STX3: variants seen among roughly 807,000 people sequenced by gnomAD.
STX3 encodes syntaxin 3, also known as syntaxin-3.
In STX3, 19 loss-of-function variants were observed where a neutral mutation model predicts 40.2. The observed-to-expected ratio is 0.47, with a 90% CI of 0.33 to 0.69. The LOEUF is 0.69. Ranked by LOEUF, STX3 falls within the 30% of genes least tolerant of loss-of-function variation. The pLI is 0.02. For missense variants in STX3, 364 were observed against 366.7 expected (o/e 0.99, Z 0.06); for synonymous variants, 122 against 132.2 (o/e 0.92, Z 0.53).
Position 59,788,923 on chromosome 11 carries a change from A to C in STX3, c.265A>C (p.Asn89His). Reference sequence around the variant, plus strand: ...CACGACTGAGATTAAGAAAAGGGCCAACAACGTCCGGAACAAACTGAAGAG... The same window carrying C: ...CACGACTGAGATTAAGAAAAGGGCCCACAACGTCCGGAACAAACTGAAGAG... ...QLTTEIKKRA[N>H]NVRNKLKSME... Residue 89 changes from asparagine (N) to histidine (H), a missense_variant, in exon 4 of 11, where the codon AAC (asparagine) becomes CAC (histidine). By Grantham distance (68) the Asn-to-His change is moderately conservative (BLOSUM62 1). Coordinates refer to ENST00000337979, the MANE Select transcript of STX3 (RefSeq NM_004177.5). 6.2e-7 allele frequency: 1 copy of C among 1,611,484 alleles called. No homozygotes were observed. Among genetic ancestry groups the C allele is most frequent in the Non-Finnish European group, 8.5e-7 (1 of 1,178,786 alleles).
At chr11:59,792,340 T>C in intron 6 of STX3, 125 bp downstream of exon 6, 1 of 712,826 alleles carries the variant, frequency 1.4e-6, no homozygotes, top group Non-Finnish European at 2.4e-6. Flanking sequence ...GGGCAGCTCC[T>C]GCACCACTGG....
intron 2 of STX3, among the ~76,000 whole-genome samples, chr11:59,783,304 T>A (rs550911739): frequency 6.6e-6 from 1 of 152,318 alleles, no homozygotes; most frequent in East Asian, 1.9e-4. Flanking sequence ...GAGCCTTCCT[T>A]AGGCGTTTAC....
At chr11:59,794,729 A>G (rs1034536494) in intron 8 of STX3, among the ~76,000 whole-genome samples, 3 of 152,356 alleles carry the variant, frequency 2.0e-5, no homozygotes, top group African/African-American at 4.8e-5. Flanking sequence ...CCTGTCAGGA[A>G]GTGATTGCTA....
chr11:59,788,964 G>T lies in STX3; in HGVS notation c.289+17G>T, dbSNP rs201404384. On this transcript the variant is annotated intron_variant, in intron 4 of 10. Coordinates refer to ENST00000337979, the MANE Select transcript of STX3 (RefSeq NM_004177.5). ...AACTGAAGAGTAAGAAGGGAACAAA[G>T]AAAACAAGGCCGTCCCCACCACCAT... The T allele has an allele frequency of 9.7e-5, 155 of 1,600,904 alleles. No homozygotes were observed. Among genetic ancestry groups the T allele is most frequent in the Middle Eastern group, 1.6e-4 (1 of 6,072 alleles).
intron 10 of STX3, chr11:59,800,186 A>G (rs1479429569): frequency 1.0e-6 from 1 of 985,312 alleles, no homozygotes; most frequent in African/African-American, 1.7e-5. Context: ...TTCCCTAACA[A>G]AGTCAAGACT....
chr11:59,787,363 TC>T (rs1307960062), intron 3 of STX3, among the ~76,000 whole-genome samples: 2 of 152,172 alleles, frequency 1.3e-5, no homozygotes, highest in Non-Finnish European at 2.9e-5. Context: ...AGCTAGACTT[TC>T]CTGTTTCCCA....
chr11:59,786,336 T>A (rs754364935), intron 2 of STX3, among the ~76,000 whole-genome samples: 11 of 150,152 alleles, frequency 7.3e-5, no homozygotes, highest in Non-Finnish European at 1.6e-4. Flanking sequence ...ACCTCCCGGG[T>A]TCACGCCATT....
At chr11:59,774,215 G>A (rs1395005408) in intron 2 of STX3, among the ~76,000 whole-genome samples, 2 of 151,984 alleles carry the variant, frequency 1.3e-5, no homozygotes, top group Non-Finnish European at 1.5e-5. Flanking sequence ...ACTGGCTTTC[G>A]AGCTGGGTAA....
intron 9 of STX3, 48 bp downstream of exon 9, chr11:59,795,530 T>C: frequency 6.4e-7 from 1 of 1,570,510 alleles, no homozygotes; most frequent in Non-Finnish European, 8.6e-7. Context: ...TTTTGTTTGC[T>C]GTGTCTCGCT....
In STX3 at chr11:59,801,987, T is replaced by G. The variant is rs510980; in HGVS notation, c.*1163T>G. ...ATGAGAACTCTGGAGTGAGCTAAAT[T>G]GATCCCAATTAAGTTTTTCTGCTTA... On this transcript the variant is annotated 3_prime_UTR_variant, in exon 11 of 11. Transcript: ENST00000337979. 1.0e-6 allele frequency: 1 copy of G among 985,442 alleles called. No homozygotes were observed. 61.0% of individuals were successfully genotyped at this position (985,442 alleles called of 1,614,324 possible). A position where few individuals can be genotyped will look rare whatever the true frequency, so the allele number is the denominator to read the frequency against.
intron 1 of STX3, 104 bp from the exon 2 acceptor site, chr11:59,773,107 A>G (rs1363135167): frequency 1.8e-6 from 2 of 1,091,442 alleles, no homozygotes; most frequent in Non-Finnish European, 2.8e-6. Flanking sequence ...AAAGGAAATT[A>G]TGTGTAAAAT....
chr11:59,800,470 A>T (rs1487896473), intron 10 of STX3: 12 of 985,254 alleles, frequency 1.2e-5, no homozygotes, highest in Non-Finnish European at 1.3e-5. Context: ...TTCTAAAAGA[A>T]AGGCAGCAGG....
At position 59,804,313 on chromosome 11, in the gene STX3, A is replaced by G. The variant is rs1866000777; in HGVS notation, c.*3489A>G. 6.6e-6 allele frequency: 1 copy of G among 152,234 alleles called. No homozygotes were observed. The highest frequency in any genetic ancestry group is 1.9e-4 in the East Asian group (1 of 5,198). 9.4% of individuals were successfully genotyped at this position (152,234 alleles called of 1,614,324 possible). ...CTTTCAGGCTCCAGTAGTAGTCTTA[A>G]AAGTGAAGTTTATCTAAGGATAAGC... On this transcript the variant is annotated 3_prime_UTR_variant, in exon 11 of 11. Coordinates refer to ENST00000337979, the MANE Select transcript of STX3 (RefSeq NM_004177.5).
At chr11:59,762,428 T>C (rs769729024) in intron 1 of STX3, among the ~76,000 whole-genome samples, 22 of 152,350 alleles carry the variant, frequency 1.4e-4, no homozygotes, top group Non-Finnish European at 2.6e-4. Flanking sequence ...AAGACTGGCC[T>C]AGGGATTAAC....
chr11:59,783,331 G>T (rs1011903960), intron 2 of STX3, among the ~76,000 whole-genome samples: 1 of 152,154 alleles, frequency 6.6e-6, no homozygotes, highest in Non-Finnish European at 1.5e-5. Context: ...CAGGAGACAG[G>T]ATTTAGTATT....
chr11:59,791,689 T>C (rs545377716), intron 5 of STX3, among the ~76,000 whole-genome samples: 5 of 152,334 alleles, frequency 3.3e-5, no homozygotes, highest in Non-Finnish European at 7.3e-5. Context: ...CATCTACTTA[T>C]AAGCAAGAAG....
chr11:59,786,273 TG>T (rs1864768449), intron 2 of STX3, among the ~76,000 whole-genome samples: 2 of 149,960 alleles, frequency 1.3e-5, no homozygotes, highest in African/African-American at 4.9e-5. Context: ...GCAGTCTCGC[TG>T]TGTCGTCCAG....
chr11:59,800,111 C>T, intron 10 of STX3: 1 of 985,370 alleles, frequency 1.0e-6, no homozygotes, highest in African/African-American at 1.7e-5. Context: ...GTTGACTAAC[C>T]CTATCTTTAA....
chr11:59,755,726 G>C, intron 1 of STX3, 91 bp downstream of exon 1: 1 of 1,423,356 alleles, frequency 7.0e-7, no homozygotes, highest in Non-Finnish European at 9.2e-7. Flanking sequence ...CTGGAGGGGG[G>C]CCCGAGCCGG....
Sources: allele counts gnomAD v4.1 joint callset (sites outside exome capture counted in the v4.1 genomes callset), GRCh38; gene constraint gnomAD v4.1.1; transcripts MANE v1.5; gene names NCBI Gene and HGNC (gene_info 2026-07-23, HGNC 2026-07-21).